The following RASGRF1 variants were observed in gnomAD, a reference collection of about 807,000 sequenced individuals.
RASGRF1 encodes ras-specific guanine nucleotide-releasing factor 1.
RASGRF1 carries 40 observed loss-of-function variants against 138.7 expected under a neutral mutation model. That is an observed-to-expected ratio of 0.29 (90% confidence interval 0.22 to 0.38). The LOEUF (loss-of-function observed/expected upper bound fraction) is 0.38. Ranked by LOEUF, RASGRF1 falls within the 10% of genes least tolerant of loss-of-function variation. The pLI, the probability that RASGRF1 is intolerant of heterozygous loss-of-function variation, is 1.00. For missense variants in RASGRF1, 1,108 were observed against 1,650.4 expected (o/e 0.67, Z 5.69); for synonymous variants, 614 against 663.2 (o/e 0.93, Z 1.14).
intron 3 of RASGRF1, among the ~76,000 whole-genome samples, chr15:79,055,838 C>T (rs2057503235): frequency 6.6e-6 from 1 of 152,178 alleles, no homozygotes; most frequent in Non-Finnish European, 1.5e-5. Flanking sequence ...AAACTGTCAT[C>T]TCTTTAATGC....
At chr15:79,072,265 A>ATT (rs1567614777) in intron 1 of RASGRF1, among the ~76,000 whole-genome samples, 2 of 46,658 alleles carry the variant, frequency 4.3e-5, no homozygotes, top group African/African-American at 1.2e-4. Flanking sequence ...TTGATAAACA[A>ATT]TCTTTTTTTT....
Position 79,090,713 on chromosome 15 carries a change from T to C in RASGRF1, c.-215A>G, listed in dbSNP as rs142649546. ...TTCCCCGCTGGAACCTCTTCTCCGCTCCGCAGAGCCCCAGTACCCGGAAGA... is the reference window on the plus strand; with the variant it reads ...TTCCCCGCTGGAACCTCTTCTCCGCCCCGCAGAGCCCCAGTACCCGGAAGA... On this transcript the variant is annotated 5_prime_UTR_variant, in exon 1 of 27. Transcript: ENST00000558480. 519 of 650,590 alleles carry C rather than the reference T, an allele frequency of 8.0e-4. 2 individuals are homozygous for C. In the African/African-American group the frequency reaches 8.5e-3, roughly 11 times the overall value. The allele number at this position is 650,590 out of a possible 1,614,324, so 40.3% of individuals were successfully genotyped here.
At chr15:79,083,212 G>A (rs2057936146) in intron 1 of RASGRF1, among the ~76,000 whole-genome samples, 1 of 152,194 alleles carries the variant, frequency 6.6e-6, no homozygotes, top group Non-Finnish European at 1.5e-5. Context: ...GCATGTGAGG[G>A]GCTGTACTCT....
At chr15:79,051,562 G>A (rs180896880) in intron 3 of RASGRF1, among the ~76,000 whole-genome samples, 255 of 152,182 alleles carry the variant, frequency 1.7e-3, no homozygotes, top group African/African-American at 6.0e-3. Flanking sequence ...GCCAGTTTTG[G>A]GATTTGCACA....
chr15:79,057,879 GC>G (rs773770480), intron 3 of RASGRF1, among the ~76,000 whole-genome samples: 11 of 152,210 alleles, frequency 7.2e-5, no homozygotes, highest in Non-Finnish European at 1.3e-4. Context: ...GAGGGAAGGG[GC>G]TGCCTTGGAG....
rs771054981 is a variant in RASGRF1, at chr15:79,058,406, C to T, written c.459G>A (p.Glu153=). ...YLHLLQIVET[E]KTVAKQLRQQ... ...GCCGAAGCTGCTTGGCCACGGTCTTCTCTGTCTCCACGATCTGCAGCAGGT... is the reference window on the plus strand; with the variant it reads ...GCCGAAGCTGCTTGGCCACGGTCTTTTCTGTCTCCACGATCTGCAGCAGGT... Residue 153 remains glutamate (E), a synonymous_variant, in exon 3 of 27, where the codon GAG becomes GAA. Transcript: ENST00000558480. 6.2e-7 allele frequency: 1 copy of T among 1,614,212 alleles called. No individual in the cohort carries two copies. The highest frequency in any genetic ancestry group is 8.5e-7 in the Non-Finnish European group (1 of 1,180,044).
In RASGRF1 at chr15:79,073,373, G is replaced by A. The variant is rs1052622398; in HGVS notation, c.277-8847C>T. Reference sequence around the variant, plus strand: ...CTTAACTGGACTGGAGCCAGGTAGAGCAAGGGCTCCCCAAACTGCCCCAAC... The same window carrying A: ...CTTAACTGGACTGGAGCCAGGTAGAACAAGGGCTCCCCAAACTGCCCCAAC... On this transcript the variant is annotated intron_variant, in intron 1 of 26. Transcript: ENST00000558480. This position sits in a 1 kb window ranked among gnomAD's most constrained non-coding sequence, Gnocchi z 4.2. Among the ~76,000 whole-genome samples, 1 of 152,192 alleles carries A rather than the reference G, an allele frequency of 6.6e-6. No individual in the cohort carries two copies. The highest frequency in any genetic ancestry group is 1.5e-5 in the Non-Finnish European group (1 of 68,042).
intron 24 of RASGRF1, among the ~76,000 whole-genome samples, chr15:78,974,210 C>G (rs907943322): frequency 6.6e-6 from 1 of 152,148 alleles, no homozygotes; most frequent in African/African-American, 2.4e-5. Flanking sequence ...GTGATGGAGC[C>G]CGGCGGTCGT....
At chr15:79,015,280 C>T (rs1354730046) in intron 13 of RASGRF1, 47 bp downstream of exon 13, 1 of 1,548,708 alleles carries the variant, frequency 6.5e-7, no homozygotes, top group Non-Finnish European at 8.9e-7. Flanking sequence ...TTGTGGTACT[C>T]AGTCTCTGGA....
chr15:78,973,506 G>T lies in RASGRF1; in HGVS notation c.3495-86C>A. On this transcript the variant is annotated intron_variant, in intron 24 of 26. Coordinates refer to ENST00000558480, the MANE Select transcript of RASGRF1 (RefSeq NM_001145648.3). This position sits in a 1 kb window ranked among gnomAD's most constrained non-coding sequence, Gnocchi z 4.9. ...ACAGAACATCCCGCATGCACCTTTT[G>T]CTTTGCTAGAGGCAAAGGGACTTGC... is the stretch of plus-strand genomic sequence containing the variant. 1.9e-6 allele frequency: 2 copies of T among 1,030,408 alleles called. No homozygotes were observed. Among genetic ancestry groups the T allele is most frequent in the Non-Finnish European group, 1.5e-6 (1 of 678,846 alleles). 63.8% of individuals were successfully genotyped at this position (1,030,408 alleles called of 1,614,324 possible).
At chr15:79,056,326 T>G (rs2057510685) in intron 3 of RASGRF1, among the ~76,000 whole-genome samples, 1 of 152,222 alleles carries the variant, frequency 6.6e-6, no homozygotes, top group African/African-American at 2.4e-5. Flanking sequence ...AATCTGGTAC[T>G]GGGGCTGGAC....
chr15:79,071,836 C>T (rs901054499), intron 1 of RASGRF1, among the ~76,000 whole-genome samples: 4 of 152,082 alleles, frequency 2.6e-5, no homozygotes, highest in African/African-American at 4.8e-5. Context: ...ATATTAGGGC[C>T]CCCTAGTTTT....
intron 1 of RASGRF1, among the ~76,000 whole-genome samples, chr15:79,089,858 G>A (rs987966834): frequency 1.3e-5 from 2 of 152,168 alleles, no homozygotes; most frequent in African/African-American, 2.4e-5. Context: ...CGGTGGGAGT[G>A]GGGGTTGGGA....
In RASGRF1 at chr15:79,031,420, G is replaced by T; in HGVS notation, c.1242C>A (p.Ser414=). The T allele has an allele frequency of 6.2e-7, 1 of 1,610,966 alleles. No individual in the cohort carries two copies. The highest frequency in any genetic ancestry group is 8.5e-7 in the Non-Finnish European group (1 of 1,178,306). Residue 414 remains serine, a synonymous_variant, in exon 8 of 27, where the codon TCC becomes TCA. Transcript: ENST00000558480. The part of the protein sequence containing the change: ...VERNSLDYAK[S]KLEELSRIMH... ...CTCACCTGGACAGCTCCTCCAGTTT[G>T]GACTTGGCGTAGTCCAGGCTGTTGC...
At chr15:79,011,383 C>T (rs2056792254) in intron 13 of RASGRF1, among the ~76,000 whole-genome samples, 1 of 152,082 alleles carries the variant, frequency 6.6e-6, no homozygotes, top group African/African-American at 2.4e-5. Context: ...AGGAGAGCAC[C>T]TACATGCTGA....
At chr15:79,043,999 G>C (rs1362173902) in intron 5 of RASGRF1, among the ~76,000 whole-genome samples, 1 of 152,230 alleles carries the variant, frequency 6.6e-6, no homozygotes, top group African/African-American at 2.4e-5. Context: ...CACCAGGGAA[G>C]TGCACTCAGA....
intron 10 of RASGRF1, among the ~76,000 whole-genome samples, chr15:79,022,606 C>A (rs1472705747): frequency 1.3e-5 from 2 of 152,176 alleles, no homozygotes; most frequent in African/African-American, 4.8e-5. Flanking sequence ...TGACCCCCGC[C>A]ACACCCCCAG....
intron 20 of RASGRF1, 85 bp downstream of exon 20, chr15:78,995,655 G>C (rs988908251): frequency 2.4e-5 from 35 of 1,462,834 alleles, no homozygotes; most frequent in Non-Finnish European, 3.3e-5. Context: ...AAATGAATAC[G>C]GGTGATGCCT....
chr15:79,075,078 C>T (rs192019835), intron 1 of RASGRF1, among the ~76,000 whole-genome samples: 4 of 152,304 alleles, frequency 2.6e-5, no homozygotes, highest in African/African-American at 7.2e-5. Context: ...CCTAGACCTG[C>T]GAGTCTCAAC....
Sources: gnomAD v4.1 joint callset for allele counts (sites outside exome capture counted in the v4.1 genomes callset) on GRCh38, gnomAD v4.1.1 for gene constraint, Gnocchi (gnomAD v3.1) non-coding constraint, MANE v1.5 for transcripts, NCBI Gene and HGNC (gene_info 2026-07-23, HGNC 2026-07-21) for gene names.